Variants in FHIT observed in about 807,000 individuals in gnomAD.
FHIT encodes bis(5'-adenosyl)-triphosphatase.
FHIT carries 19 observed loss-of-function variants against 17.9 expected under a neutral mutation model. The observed-to-expected ratio is 1.06, with a 90% CI of 0.74 to 1.56. The LOEUF is 1.56. Ranked by LOEUF, FHIT falls within the 40% of genes most tolerant of loss-of-function variation. The pLI is 0.00. For missense variants in FHIT, 248 were observed against 189.2 expected, an observed-to-expected ratio of 1.31 and a Z score of -1.82; for synonymous variants, 81 against 69.7, an observed-to-expected ratio of 1.16 and a Z score of -0.81.
At chr3:59,760,141 A>AACTT in intron 8 of FHIT, among the ~76,000 whole-genome samples, 1 of 152,338 alleles carries the variant, frequency 6.6e-6, no homozygotes, top group East Asian at 1.9e-4. Context: ...ACTTAAGCAT[A>AACTT]ACTTACTTGA....
At chr3:60,526,165 A>ACACACACACACACACACACAC (rs2035568718) in intron 5 of FHIT, among the ~76,000 whole-genome samples, 1 of 124,724 alleles carries the variant, frequency 8.0e-6, no homozygotes, top group Admixed American at 8.3e-5. Flanking sequence ...CACACACACA[A>ACACACACACACACACACACAC]ACAGGTGACA....
At chr3:59,883,344 A>G (rs2106963370) in intron 8 of FHIT, among the ~76,000 whole-genome samples, 1 of 152,296 alleles carries the variant, frequency 6.6e-6, no homozygotes, top group East Asian at 1.9e-4. Flanking sequence ...TAAAAAGAAA[A>G]AGAGATTTAA....
chr3:60,893,812 C>A (rs1412952568), intron 3 of FHIT, among the ~76,000 whole-genome samples: 1 of 152,160 alleles, frequency 6.6e-6, no homozygotes, highest in Non-Finnish European at 1.5e-5. Context: ...AAATTAAAGT[C>A]AAGGATTCCA....
intron 5 of FHIT, among the ~76,000 whole-genome samples, chr3:60,447,620 T>C (rs375883903): frequency 2.0e-5 from 3 of 152,122 alleles, no homozygotes; most frequent in Non-Finnish European, 4.4e-5. Flanking sequence ...TATTTGATGG[T>C]AGATGGACAC....
chr3:60,651,305 A>G (rs1172730021), intron 4 of FHIT, among the ~76,000 whole-genome samples: 1 of 152,156 alleles, frequency 6.6e-6, no homozygotes, highest in African/African-American at 2.4e-5. Context: ...TGTTCCTACC[A>G]AAAGTACATA....
intron 7 of FHIT, among the ~76,000 whole-genome samples, chr3:59,942,734 T>C (rs759066772): frequency 6.6e-6 from 1 of 152,068 alleles, no homozygotes; most frequent in Non-Finnish European, 1.5e-5. Flanking sequence ...CTGCAGCCTC[T>C]ACCTCCCAGG....
At chr3:60,401,369 C>T (rs971028677) in intron 5 of FHIT, among the ~76,000 whole-genome samples, 1 of 152,144 alleles carries the variant, frequency 6.6e-6, no homozygotes, top group African/African-American at 2.4e-5. Flanking sequence ...TTCCTGTGTA[C>T]CTGCCAGACT....
intron 5 of FHIT, among the ~76,000 whole-genome samples, chr3:60,036,753 C>T (rs1274564735): frequency 6.6e-6 from 1 of 151,932 alleles, no homozygotes; most frequent in Non-Finnish European, 1.5e-5. Context: ...AAGTAACTGC[C>T]CAGTCAACAG....
At chr3:59,864,909 GCAGTTCCTATA>G (rs1478069810) in intron 8 of FHIT, among the ~76,000 whole-genome samples, 1 of 151,924 alleles carries the variant, frequency 6.6e-6, no homozygotes, top group Non-Finnish European at 1.5e-5. Flanking sequence ...AATCTCCAGA[GCAGTTCCTATA>G]CCATCAAGGC....
At chr3:60,313,951 G>C (rs1326852860) in intron 5 of FHIT, among the ~76,000 whole-genome samples, 2 of 152,198 alleles carry the variant, frequency 1.3e-5, no homozygotes, top group Non-Finnish European at 2.9e-5. Flanking sequence ...CTCTGCTAGA[G>C]ACTGTTGGTG....
At chr3:60,382,618 C>T (rs927573046) in intron 5 of FHIT, among the ~76,000 whole-genome samples, 2 of 152,172 alleles carry the variant, frequency 1.3e-5, no homozygotes, top group African/African-American at 2.4e-5. Context: ...AAGTAAACAA[C>T]TATGCCACTG....
intron 4 of FHIT, among the ~76,000 whole-genome samples, chr3:60,804,785 A>G (rs1553733463): frequency 6.6e-6 from 1 of 152,158 alleles, no homozygotes; most frequent in African/African-American, 2.4e-5. Flanking sequence ...CCTCCATTGC[A>G]CAGCCCTGTA....
At chr3:59,819,706 A>G (rs977920657) in intron 8 of FHIT, among the ~76,000 whole-genome samples, 18 of 152,220 alleles carry the variant, frequency 1.2e-4, no homozygotes, top group Non-Finnish European at 1.8e-4. Flanking sequence ...ATACCATAGA[A>G]CAGATGCCTC....
At chr3:60,699,955 G>C (rs1347489375) in intron 4 of FHIT, among the ~76,000 whole-genome samples, 1 of 151,778 alleles carries the variant, frequency 6.6e-6, no homozygotes, top group African/African-American at 2.4e-5. Flanking sequence ...GACCAGCCTG[G>C]CCAACCTGGT....
chr3:60,394,962 T>G (rs1403820408), intron 5 of FHIT, among the ~76,000 whole-genome samples: 1 of 152,162 alleles, frequency 6.6e-6, no homozygotes, highest in Non-Finnish European at 1.5e-5. Context: ...GGAAAAGAGC[T>G]ATACAGAAGT....
intron 5 of FHIT, among the ~76,000 whole-genome samples, chr3:60,374,188 G>A (rs1369841565): frequency 6.6e-6 from 1 of 151,954 alleles, no homozygotes; most frequent in Non-Finnish European, 1.5e-5. Flanking sequence ...AAGTCTTTTA[G>A]GAACCTAACT....
intron 3 of FHIT, among the ~76,000 whole-genome samples, chr3:60,834,479 TTATATATTCTAAATACTAG>T (rs141695749): frequency 0.037 from 5,625 of 151,744 alleles, 147 homozygotes; most frequent in South Asian, 0.058. Context: ...TGAAAATTCT[TTATATATTCTAAATACTAG>T]TCCTTTGTCA....
At chr3:59,966,950 G>A (rs537152964) in intron 7 of FHIT, among the ~76,000 whole-genome samples, 5 of 152,132 alleles carry the variant, frequency 3.3e-5, no homozygotes, top group Admixed American at 3.3e-4. Flanking sequence ...ATAACATGTA[G>A]CTTAAAACAC....
intron 3 of FHIT, among the ~76,000 whole-genome samples, chr3:60,939,923 T>G (rs141503857): frequency 3.3e-5 from 5 of 152,148 alleles, no homozygotes; most frequent in African/African-American, 1.2e-4. Context: ...TTTTTAATCA[T>G]GATCAAGACT....
Sources: gnomAD v4.1 joint callset for allele counts (sites outside exome capture counted in the v4.1 genomes callset) on GRCh38, gnomAD v4.1.1 for gene constraint, MANE v1.5 for transcripts, NCBI Gene and HGNC (gene_info 2026-07-23, HGNC 2026-07-21) for gene names.